ZWILCH: variants seen among roughly 807,000 people sequenced by gnomAD.
ZWILCH encodes protein zwilch homolog.
A neutral mutation model predicts 79.9 loss-of-function variants in ZWILCH; 74 were observed. That is an observed-to-expected ratio of 0.93 (90% confidence interval 0.77 to 1.12). The LOEUF (loss-of-function observed/expected upper bound fraction) is 1.12. Ranked by LOEUF, ZWILCH falls within the 50% of genes most tolerant of loss-of-function variation. The pLI is 0.00. For synonymous variants in ZWILCH, 241 were observed against 228.2 expected (o/e 1.06, Z -0.51); for missense variants, 694 against 687.5 (o/e 1.01, Z -0.11).
chr15:66,524,932 A>G (rs954025442), intron 8 of ZWILCH, among the ~76,000 whole-genome samples: 1 of 152,058 alleles, frequency 6.6e-6, no homozygotes, highest in Non-Finnish European at 1.5e-5. Flanking sequence ...TGATCTATTC[A>G]GTGATTTGAC....
chr15:66,514,826 TG>T (rs1894196345), intron 3 of ZWILCH, among the ~76,000 whole-genome samples: 1 of 152,232 alleles, frequency 6.6e-6, no homozygotes, highest in East Asian at 1.9e-4. Context: ...AAAAAGACTG[TG>T]GGCCTAAGGT....
At chr15:66,531,467 T>C (rs770903978) in intron 12 of ZWILCH, among the ~76,000 whole-genome samples, 2 of 152,036 alleles carry the variant, frequency 1.3e-5, no homozygotes, top group Non-Finnish European at 2.9e-5. Flanking sequence ...TTTTATTTTA[T>C]TTTATTTTTT....
intron 7 of ZWILCH, among the ~76,000 whole-genome samples, chr15:66,522,026 T>C (rs1290064316): frequency 6.6e-6 from 1 of 151,930 alleles, no homozygotes; most frequent in Non-Finnish European, 1.5e-5. Context: ...GGTGAAACCC[T>C]GTCTCTACTA....
At chr15:66,507,865 A>C (rs1595900462) in intron 1 of ZWILCH, among the ~76,000 whole-genome samples, 1 of 151,422 alleles carries the variant, frequency 6.6e-6, no homozygotes, top group Non-Finnish European at 1.5e-5. Context: ...CCCGGGAGGC[A>C]GAGCTTGCAG....
intron 9 of ZWILCH, 23 bp from the exon 10 acceptor site, chr15:66,527,834 A>G (rs1266871872): frequency 6.3e-6 from 10 of 1,589,044 alleles, no homozygotes; most frequent in African/African-American, 1.4e-5. Context: ...ATCAAGAGCT[A>G]ATAAACTTTT....
At chr15:66,511,624 C>CT (rs200937287) in intron 2 of ZWILCH, among the ~76,000 whole-genome samples, 1 of 149,414 alleles carries the variant, frequency 6.7e-6, no homozygotes, top group African/African-American at 2.4e-5. Flanking sequence ...TTTTTTCTTT[C>CT]TTTTTTTTAT....
chr15:66,517,430 G>GTGTGTATATA, intron 4 of ZWILCH, among the ~76,000 whole-genome samples: 739 of 66,492 alleles, frequency 0.011, 17 homozygotes, highest in African/African-American at 0.03. Flanking sequence ...GTGTGTGTGT[G>GTGTGTATATA]TATATATATA....
chr15:66,538,623 C>T (rs774551436), intron 16 of ZWILCH, among the ~76,000 whole-genome samples: 2 of 152,064 alleles, frequency 1.3e-5, no homozygotes, highest in South Asian at 2.1e-4. Flanking sequence ...CCTGGTGATC[C>T]GACCACCTGA....
At chr15:66,508,709 G>A in intron 1 of ZWILCH, 132 bp from the exon 2 acceptor site, 2 of 1,438,050 alleles carry the variant, frequency 1.4e-6, no homozygotes, top group Non-Finnish European at 9.2e-7. Context: ...TACATCTTAG[G>A]GCTGCTGTAA....
At chr15:66,544,530 G>A (rs1004618390) in intron 17 of ZWILCH, among the ~76,000 whole-genome samples, 6 of 151,830 alleles carry the variant, frequency 4.0e-5, no homozygotes, top group Non-Finnish European at 8.8e-5. Flanking sequence ...TCATAGAGGC[G>A]AGGTCTTGTT....
intron 14 of ZWILCH, among the ~76,000 whole-genome samples, chr15:66,534,531 C>T (rs898999277): frequency 2.0e-5 from 3 of 152,020 alleles, no homozygotes; most frequent in East Asian, 1.9e-4. Context: ...CAGGGAGTGG[C>T]GTAAACAAAC....
chr15:66,522,857 C>G (rs1235669390), intron 7 of ZWILCH, among the ~76,000 whole-genome samples: 1 of 152,080 alleles, frequency 6.6e-6, no homozygotes, highest in Non-Finnish European at 1.5e-5. Flanking sequence ...CAGAGTCTTA[C>G]TGTCACCCAG....
At chr15:66,520,686 T>G (rs1894459556) in intron 6 of ZWILCH, 26 bp downstream of exon 6, 9 of 1,453,262 alleles carry the variant, frequency 6.2e-6, no homozygotes, top group Non-Finnish European at 8.5e-6. Context: ...CTACTCATAT[T>G]ATTTTCTTCA....
Position 66,546,530 on chromosome 15 carries a change from T to C in ZWILCH, c.1688-61T>C, listed in dbSNP as rs1567054988. The C allele has an allele frequency of 2.4e-5, 27 of 1,136,444 alleles. No homozygotes were observed. In the South Asian group the frequency reaches 3.9e-4, roughly 17 times the overall value. 70.4% of individuals were successfully genotyped at this position (1,136,444 alleles called of 1,614,324 possible). On this transcript the variant is annotated intron_variant, in intron 17 of 18. Transcript: ENST00000307897. ...ATTGTATTGGTGTAAAATTCAGCAT[T>C]ATACATGGTAGAAAAGCAGGGTGTT...
intron 14 of ZWILCH, among the ~76,000 whole-genome samples, chr15:66,535,050 T>G (rs954235374): frequency 6.6e-5 from 10 of 152,220 alleles, no homozygotes; most frequent in African/African-American, 1.9e-4. Flanking sequence ...AACTTTTTTT[T>G]TTGTTTGTTT....
rs376356151 is a variant in ZWILCH, at chr15:66,532,329, G to T, written c.1238G>T (p.Gly413Val). 116 of 1,611,506 alleles carry T rather than the reference G, an allele frequency of 7.2e-5. No individual in the cohort carries two copies. Among genetic ancestry groups the T allele is most frequent in the Non-Finnish European group, 9.2e-5 (109 of 1,178,936 alleles). Residue 413 changes from glycine to valine, a missense_variant, in exon 13 of 19, where the codon GGG (glycine) becomes GTG (valine). Physicochemically the swap from Gly to Val is moderately radical, Grantham distance 109. Coordinates refer to ENST00000307897, the MANE Select transcript of ZWILCH (RefSeq NM_017975.5). ...ACCATGGACACAGTTTCTCTCAGTG[G>T]GACTATTCCAGTTCAAATGCTTTTG... ...HGTMDTVSLSGTIPVQMLLEI... is the reference protein window; with the variant it reads ...HGTMDTVSLSVTIPVQMLLEI...
intron 14 of ZWILCH, among the ~76,000 whole-genome samples, chr15:66,533,710 AACT>A (rs1314668982): frequency 6.9e-6 from 1 of 145,914 alleles, no homozygotes; most frequent in Non-Finnish European, 1.5e-5. Context: ...TTCTAGCAAA[AACT>A]ACACACACAC....
At chr15:66,519,693 C>T (rs1894421948) in intron 5 of ZWILCH, among the ~76,000 whole-genome samples, 1 of 152,178 alleles carries the variant, frequency 6.6e-6, no homozygotes, top group Non-Finnish European at 1.5e-5. Flanking sequence ...GACGGGGGTT[C>T]ACCATATTGG....
Position 66,515,598 on chromosome 15 carries a change from A to G in ZWILCH, c.274A>G (p.Thr92Ala), listed in dbSNP as rs1481023113. Residue 92 changes from threonine (T) to alanine (A), a missense_variant, in exon 4 of 19, where the codon ACT becomes GCT. Coordinates refer to ENST00000307897, the MANE Select transcript of ZWILCH (RefSeq NM_017975.5). ...SEETAISDFS[T>A]GENVGPLALP... ...AGAAACTGCCATATCTGATTTCTCT[A>G]CTGGCGAAAATGTTGGACCACTTGC... 6.2e-7 allele frequency: 1 copy of G among 1,613,910 alleles called. No individual in the cohort carries two copies. Among genetic ancestry groups the G allele is most frequent in the Non-Finnish European group, 8.5e-7 (1 of 1,179,958 alleles).
Sources: allele counts gnomAD v4.1 joint callset (sites outside exome capture counted in the v4.1 genomes callset), GRCh38; gene constraint gnomAD v4.1.1; transcripts MANE v1.5; gene names NCBI Gene and HGNC (gene_info 2026-07-23, HGNC 2026-07-21).